Variants in CDH13 observed in about 807,000 individuals in gnomAD.
CDH13 encodes cadherin-13.
In CDH13, 24 loss-of-function variants were observed where a neutral mutation model predicts 63.8. That is an observed-to-expected ratio of 0.38 (90% CI 0.27 to 0.53). CDH13 has a LOEUF of 0.53. Among genes scored for constraint, CDH13 ranks in the 20% least tolerant of loss-of-function variants. The pLI is 0.85. For missense variants in CDH13, 1,049 were observed against 903.1 expected (o/e 1.16, Z -2.07); for synonymous variants, 503 against 355.3 (o/e 1.42, Z -4.67).
At chr16:82,682,438 G>C (rs761838513) in intron 1 of CDH13, among the ~76,000 whole-genome samples, 8 of 152,182 alleles carry the variant, frequency 5.3e-5, no homozygotes, top group Admixed American at 2.0e-4. Context: ...ACTGGCATCT[G>C]GTCAGTATTT....
At chr16:83,666,530 A>T (rs1343416742) in intron 8 of CDH13, among the ~76,000 whole-genome samples, 1 of 152,224 alleles carries the variant, frequency 6.6e-6, no homozygotes, top group Non-Finnish European at 1.5e-5. Flanking sequence ...TAAATCCCAA[A>T]TGCCTTCCCA....
intron 10 of CDH13, among the ~76,000 whole-genome samples, chr16:83,729,549 C>G (rs73236445): frequency 0.042 from 6,415 of 152,288 alleles, 417 homozygotes; most frequent in African/African-American, 0.14. Context: ...CTGTTAAGAG[C>G]ATGGGCGCTA....
At chr16:83,326,926 T>C (rs1189218424) in intron 5 of CDH13, among the ~76,000 whole-genome samples, 1 of 152,198 alleles carries the variant, frequency 6.6e-6, no homozygotes, top group East Asian at 1.9e-4. Flanking sequence ...GCAATATGTG[T>C]TAAGTCCAGA....
chr16:83,251,727 C>T (rs1432725868), intron 5 of CDH13, among the ~76,000 whole-genome samples: 1 of 152,214 alleles, frequency 6.6e-6, no homozygotes, highest in Non-Finnish European at 1.5e-5. Context: ...GAAAGGTAGA[C>T]CTTGTCTTTC....
chr16:83,575,056 T>A (rs1013954060), intron 7 of CDH13, among the ~76,000 whole-genome samples: 1 of 152,208 alleles, frequency 6.6e-6, no homozygotes, highest in Non-Finnish European at 1.5e-5. Context: ...AGAATATTAT[T>A]TGGCCATAAA....
intron 5 of CDH13, among the ~76,000 whole-genome samples, chr16:83,321,807 C>T (rs2090233332): frequency 6.6e-6 from 1 of 152,160 alleles, no homozygotes; most frequent in Admixed American, 6.5e-5. Flanking sequence ...GGATTACAGG[C>T]GTGAGCTCTG....
At chr16:82,990,382 C>T (rs2065545031) in intron 2 of CDH13, 1 of 152,078 alleles carries the variant, frequency 6.6e-6, no homozygotes, top group African/African-American at 2.4e-5. Flanking sequence ...CTTGGCCTAC[C>T]AATCTCTCCC....
chr16:83,187,732 C>T (rs1375850735), intron 4 of CDH13, among the ~76,000 whole-genome samples: 1 of 152,108 alleles, frequency 6.6e-6, no homozygotes, highest in Admixed American at 6.6e-5. Flanking sequence ...CAGACCAAGC[C>T]CTGTCCTACA....
At chr16:83,161,892 G>C (rs1260638319) in intron 4 of CDH13, among the ~76,000 whole-genome samples, 2 of 152,172 alleles carry the variant, frequency 1.3e-5, no homozygotes, top group African/African-American at 4.8e-5. Context: ...AACTCAAAAT[G>C]AGGTAGCCAT....
intron 5 of CDH13, among the ~76,000 whole-genome samples, chr16:83,278,314 T>C (rs998245123): frequency 2.0e-5 from 3 of 152,208 alleles, no homozygotes; most frequent in African/African-American, 7.2e-5. Context: ...TTCTTTTAGC[T>C]CTTCCCCATT....
chr16:83,351,890 A>C (rs913943362), intron 6 of CDH13, among the ~76,000 whole-genome samples: 1 of 152,168 alleles, frequency 6.6e-6, no homozygotes, highest in African/African-American at 2.4e-5. Flanking sequence ...ATACTGATGG[A>C]TATTTTTGTT....
intron 4 of CDH13, among the ~76,000 whole-genome samples, chr16:83,204,538 T>A (rs1348819112): frequency 6.6e-6 from 1 of 152,200 alleles, no homozygotes; most frequent in African/African-American, 2.4e-5. Flanking sequence ...TTATTTTCCA[T>A]TGTGCAGAAG....
chr16:83,336,818 T>G (rs1263164072), intron 5 of CDH13, among the ~76,000 whole-genome samples: 1 of 152,248 alleles, frequency 6.6e-6, no homozygotes, highest in Admixed American at 6.5e-5. Context: ...ATCTAGATTT[T>G]GCATGTGTTG....
intron 11 of CDH13, among the ~76,000 whole-genome samples, chr16:83,771,576 A>C (rs1914765507): frequency 6.6e-6 from 1 of 152,238 alleles, no homozygotes; most frequent in Admixed American, 6.5e-5. Flanking sequence ...CCTCTAGAGC[A>C]ACAGAGCCAG....
chr16:83,200,921 ATGTGTGTGTGTGTGTG>A (rs374017580), intron 4 of CDH13, among the ~76,000 whole-genome samples: 3,959 of 129,724 alleles, frequency 0.031, 75 homozygotes, highest in African/African-American at 0.056. Context: ...AGTCTTAAAA[ATGTGTGTGTGTGTGTG>A]TGTGTGTGTG....
chr16:83,290,815 A>T (rs558710688), intron 5 of CDH13, among the ~76,000 whole-genome samples: 1 of 151,950 alleles, frequency 6.6e-6, no homozygotes, highest in African/African-American at 2.4e-5. Context: ...CTGACCATGC[A>T]TCTTCACTCA....
At chr16:82,751,919 C>G (rs933844630) in intron 1 of CDH13, among the ~76,000 whole-genome samples, 1 of 152,128 alleles carries the variant, frequency 6.6e-6, no homozygotes, top group African/African-American at 2.4e-5. Flanking sequence ...TGTAGGCCAG[C>G]CCCATACTTA....
intron 6 of CDH13, among the ~76,000 whole-genome samples, chr16:83,379,932 T>TAGAGAG (rs1221020454): frequency 2.1e-4 from 18 of 86,302 alleles, no homozygotes; most frequent in Non-Finnish European, 3.3e-4. Flanking sequence ...TATATATATA[T>TAGAGAG]ATATATAGAG....
At chr16:83,029,953 A>C (rs778892401) in intron 2 of CDH13, among the ~76,000 whole-genome samples, 1 of 152,242 alleles carries the variant, frequency 6.6e-6, no homozygotes, top group Non-Finnish European at 1.5e-5. Flanking sequence ...AGGGGCCTCA[A>C]AGTTTACAGG....
Sources: allele counts gnomAD v4.1 joint callset (sites outside exome capture counted in the v4.1 genomes callset), GRCh38; gene constraint gnomAD v4.1.1; transcripts MANE v1.5; gene names NCBI Gene and HGNC (gene_info 2026-07-23, HGNC 2026-07-21).